The following TET2 variants were observed in gnomAD, a reference collection of about 807,000 sequenced individuals.
The protein encoded by TET2 is methylcytosine dioxygenase TET2.
TET2 carries 299 observed loss-of-function variants against 142.9 expected under a neutral mutation model. That is an observed-to-expected ratio of 2.09 (90% CI 1.90 to 2.30). TET2 has a LOEUF of 2.30. TET2 is among the 30% of genes most tolerant of loss of function. TET2 has a pLI of 0.00. For synonymous variants in TET2, 819 were observed against 849.0 expected (o/e 0.96, Z 0.61); for missense variants, 2,418 against 2,378.0 (o/e 1.02, Z -0.35).
intron 8 of TET2, among the ~76,000 whole-genome samples, chr4:105,265,083 GTAGACCTGAAA>G (rs1312435939): frequency 3.3e-5 from 5 of 152,140 alleles, no homozygotes; most frequent in Non-Finnish European, 7.4e-5. Context: ...CAATTTAACA[GTAGACCTGAAA>G]TAGCAGGTGT....
At chr4:105,183,323 A>G (rs1438709718) in intron 1 of TET2, among the ~76,000 whole-genome samples, 1 of 152,194 alleles carries the variant, frequency 6.6e-6, no homozygotes, top group East Asian at 1.9e-4. Context: ...TTATAGTTAT[A>G]TATTACAATG....
intron 1 of TET2, among the ~76,000 whole-genome samples, chr4:105,155,495 A>G (rs1345436782): frequency 6.6e-6 from 1 of 152,244 alleles, no homozygotes; most frequent in African/African-American, 2.4e-5. Flanking sequence ...GATTTTTAAC[A>G]CTAGTCCCTA....
chr4:105,225,497 ACCT>A (rs1728135481), intron 2 of TET2, among the ~76,000 whole-genome samples: 1 of 152,058 alleles, frequency 6.6e-6, no homozygotes, highest in African/African-American at 2.4e-5. Flanking sequence ...TCAGCCTTTT[ACCT>A]TTGACTTAGT....
intron 2 of TET2, among the ~76,000 whole-genome samples, chr4:105,225,625 T>A (rs1484914092): frequency 6.6e-6 from 1 of 152,204 alleles, no homozygotes; most frequent in Non-Finnish European, 1.5e-5. Context: ...CCCTCTCCTG[T>A]ATTCCCATGG....
At chr4:105,268,160 G>A (rs1578729765) in intron 8 of TET2, among the ~76,000 whole-genome samples, 1 of 152,098 alleles carries the variant, frequency 6.6e-6, no homozygotes, top group East Asian at 1.9e-4. Context: ...CAGATGACAT[G>A]TTTGTCTACA....
chr4:105,199,519 T>A (rs974966179), intron 2 of TET2, among the ~76,000 whole-genome samples: 1 of 152,240 alleles, frequency 6.6e-6, no homozygotes, highest in African/African-American at 2.4e-5. Flanking sequence ...TCTTTTTCCA[T>A]ACCATCAAGT....
chr4:105,165,268 C>T (rs920217345), intron 1 of TET2, among the ~76,000 whole-genome samples: 8 of 152,124 alleles, frequency 5.3e-5, no homozygotes, highest in Non-Finnish European at 8.8e-5. Flanking sequence ...TCCAGCCACT[C>T]AGGAGACTGA....
At chr4:105,227,984 A>T (rs1728284705) in intron 2 of TET2, among the ~76,000 whole-genome samples, 1 of 152,126 alleles carries the variant, frequency 6.6e-6, no homozygotes, top group Non-Finnish European at 1.5e-5. Flanking sequence ...AAACTACAGC[A>T]TGAAAGCTTT....
chr4:105,199,152 T>C (rs980601793), intron 2 of TET2, among the ~76,000 whole-genome samples: 2 of 152,208 alleles, frequency 1.3e-5, no homozygotes, highest in African/African-American at 4.8e-5. Context: ...TATTAAAGAA[T>C]GTTGGATTCA....
At position 105,208,405 on chromosome 4, in the gene TET2, C is replaced by A. The variant is rs532563174; in HGVS notation, c.-47+17900C>A. 6.2e-4 allele frequency among the ~76,000 whole-genome samples: 94 copies of A among 152,228 alleles called. 1 individual carries two copies. In the South Asian group the frequency reaches 0.019, roughly 30 times the overall value. Reference sequence around the variant, plus strand: ...TTGAGCAGGACTCCCCAACATACTCCTCTGAATTACATTTTGAGTTATCTG... The same window carrying A: ...TTGAGCAGGACTCCCCAACATACTCATCTGAATTACATTTTGAGTTATCTG... On this transcript the variant is annotated intron_variant, in intron 2 of 10. Coordinates refer to ENST00000380013, the MANE Select transcript of TET2 (RefSeq NM_001127208.3).
chr4:105,233,264 A>T (rs755696124), intron 2 of TET2, among the ~76,000 whole-genome samples: 1 of 151,492 alleles, frequency 6.6e-6, no homozygotes, highest in Non-Finnish European at 1.5e-5. Flanking sequence ...GGCACCTGTA[A>T]TCTCAGCTAC....
intron 2 of TET2, 55 bp downstream of exon 2, chr4:105,190,560 T>A: frequency 1.5e-6 from 1 of 688,440 alleles, no homozygotes; most frequent in Non-Finnish European, 2.6e-6. Context: ...TTATTCCTAA[T>A]GTAATGGTAA....
chr4:105,164,758 T>G (rs570735850), intron 1 of TET2, among the ~76,000 whole-genome samples: 1 of 152,192 alleles, frequency 6.6e-6, no homozygotes, highest in African/African-American at 2.4e-5. Flanking sequence ...TTTCTCAGTA[T>G]TGGGACCTGA....
At chr4:105,148,059 TACAC>T (rs146633281) in intron 1 of TET2, among the ~76,000 whole-genome samples, 8 of 147,728 alleles carry the variant, frequency 5.4e-5, no homozygotes, top group Non-Finnish European at 9.0e-5. Context: ...CTCATACACA[TACAC>T]ACACACACAC....
At chr4:105,196,467 A>G (rs1302381941) in intron 2 of TET2, among the ~76,000 whole-genome samples, 2 of 152,198 alleles carry the variant, frequency 1.3e-5, no homozygotes, top group Non-Finnish European at 2.9e-5. Context: ...AGAACTCAGT[A>G]CAGAAAACCA....
upstream of TET2, chr4:105,146,345 T>G (rs1006200830): frequency 2.6e-5 from 4 of 152,756 alleles, no homozygotes; most frequent in Non-Finnish European, 5.8e-5. Context: ...TTGCTCTGCT[T>G]CTTCTCCCAG....
At position 105,237,883 on chromosome 4, in the gene TET2, C is replaced by G. The variant is rs1042172246; in HGVS notation, c.3409+532C>G. ...ACACTCTTAGTGCTCCTAAAGTTTC[C>G]TTTTCTCCATTTATACATTTGGAAT... On this transcript the variant is annotated intron_variant, in intron 3 of 10. Transcript: ENST00000380013. The G allele has an allele frequency of 4.8e-6, 5 of 1,049,388 alleles. No individual in the cohort carries two copies. The African/African-American group carries it at 8.5e-5, about 18-fold the overall frequency. 65.0% of individuals were successfully genotyped at this position (1,049,388 alleles called of 1,614,324 possible). A position where few individuals can be genotyped will look rare whatever the true frequency, so the allele number is the denominator to read the frequency against.
In TET2 at chr4:105,272,734, G is replaced by A. The variant is rs2110306570; in HGVS notation, c.4353G>A (p.Arg1451=). The change falls in exon 10 of 11, where the codon CGG becomes CGA. Residue 1451 remains arginine (R), a synonymous_variant. Coordinates refer to ENST00000380013, the MANE Select transcript of TET2 (RefSeq NM_001127208.3). Reference sequence around the variant, plus strand: ...CCATTCAGGTACTGAGTTCTTTTCGGCGAAAAGTCAGGATGTTAGCAGAGC... The same window carrying A: ...CCATTCAGGTACTGAGTTCTTTTCGACGAAAAGTCAGGATGTTAGCAGAGC... ...SGAIQVLSSF[R]RKVRMLAEPV... 1 of 1,551,670 alleles carries A rather than the reference G, an allele frequency of 6.4e-7. No individual in the cohort carries two copies. The highest frequency in any genetic ancestry group is 1.2e-5 in the South Asian group (1 of 84,068).
intron 2 of TET2, among the ~76,000 whole-genome samples, chr4:105,233,189 GC>G (rs1728604412): frequency 6.6e-6 from 1 of 151,794 alleles, no homozygotes; most frequent in Non-Finnish European, 1.5e-5. Flanking sequence ...TTCAAGACCA[GC>G]CTGGCCAACA....
Sources: gnomAD v4.1 joint callset for allele counts (sites outside exome capture counted in the v4.1 genomes callset) on GRCh38, gnomAD v4.1.1 for gene constraint, MANE v1.5 for transcripts, NCBI Gene and HGNC (gene_info 2026-07-23, HGNC 2026-07-21) for gene names.